Variants in PDRG1 observed in about 807,000 individuals in gnomAD.
The protein encoded by PDRG1 is p53 and DNA damage-regulated protein 1.
PDRG1 carries 14 observed loss-of-function variants against 18.4 expected under a neutral mutation model. The ratio of observed to expected loss-of-function variants is 0.76; its 90% confidence interval spans 0.50 to 1.19. PDRG1 has a LOEUF of 1.19. Ranked by LOEUF, PDRG1 falls within the 50% of genes most tolerant of loss-of-function variation. The pLI, the probability that PDRG1 is intolerant of heterozygous loss-of-function variation, is 0.00. For missense variants in PDRG1, 177 were observed against 160.1 expected (o/e 1.11, Z -0.57); for synonymous variants, 65 against 60.9 (o/e 1.07, Z -0.31).
At chr20:31,948,718 G>A (rs550885079) in intron 3 of PDRG1, 90 bp downstream of exon 3, 385 of 1,220,592 alleles carry the variant, frequency 3.2e-4, no homozygotes, top group Admixed American at 1.3e-3. Context: ...CTCTCCTTAC[G>A]CTGCCTGAAG....
rs538388186 is a variant in PDRG1, at chr20:31,951,929, C to G, written c.33G>C (p.Arg11=). 4 of 1,592,780 alleles carry G rather than the reference C, an allele frequency of 2.5e-6. No homozygotes were observed. The African/African-American group carries it at 4.1e-5, about 16-fold the overall frequency. Residue 11 remains arginine, a synonymous_variant, in exon 1 of 5, where the codon CGG becomes CGC. Transcript: ENST00000202017. MLSPEAERVL[R]YLVEVEELAE... is the part of the protein sequence containing the mutation. The stretch of plus-strand genomic sequence containing the variant: ...CGAGCTCCTCCACTTCTACAAGGTA[C>G]CGCAGCACTCGCTCTGCCTCGGGTG...
chr20:31,944,425 G>GTA lies in PDRG1; in HGVS notation c.*1380_*1381dup, dbSNP rs1304684952. On this transcript the variant is annotated 3_prime_UTR_variant, in exon 5 of 5. Transcript: ENST00000202017. ...TTTAAAATCCAAAGTTTACAAAAGGGTATAGGGTGACATCTCCTTCCCTCC... is the reference window on the plus strand; with the variant it reads ...TTTAAAATCCAAAGTTTACAAAAGGGTATATAGGGTGACATCTCCTTCCCTCC... 1 of 153,442 alleles carries GTA rather than the reference G, an allele frequency of 6.5e-6. No individual in the cohort carries two copies. The highest frequency in any genetic ancestry group is 1.5e-5 in the Non-Finnish European group (1 of 68,854). 9.5% of individuals were successfully genotyped at this position (153,442 alleles called of 1,614,324 possible).
chr20:31,946,578 T>C lies in PDRG1; in HGVS notation c.239-2A>G, dbSNP rs1315273751. 6.2e-7 allele frequency: 1 copy of C among 1,609,444 alleles called. No homozygotes were observed. Among genetic ancestry groups the C allele is most frequent in the Non-Finnish European group, 8.5e-7 (1 of 1,176,054 alleles). ...TTTCTTTATCCAGATGATCTTGATC[T>C]GAAAAAATGAGGGGGGCAAGCAGAG... On this transcript the variant is annotated splice_acceptor_variant, in intron 3 of 4. Coordinates refer to ENST00000202017, the MANE Select transcript of PDRG1 (RefSeq NM_030815.3). LOFTEE classifies it high-confidence loss of function.
chr20:31,948,500 T>C (rs2064332435), intron 3 of PDRG1, among the ~76,000 whole-genome samples: 1 of 152,272 alleles, frequency 6.6e-6, no homozygotes, highest in Non-Finnish European at 1.5e-5. Flanking sequence ...CATATTTCCT[T>C]AAGCCTCAAT....
chr20:31,951,993 G>A lies in PDRG1; in HGVS notation c.-32C>T, dbSNP rs753263015. The A allele has an allele frequency of 7.9e-6, 12 of 1,515,002 alleles. No individual in the cohort carries two copies. The highest frequency in any genetic ancestry group is 1.4e-5 in the African/African-American group (1 of 69,950). The allele number at this position is 1,515,002 out of a possible 1,614,324, so 93.8% of individuals were successfully genotyped here. ...CACCAACTCCGCTTGCGGCTCTCGC[G>A]CGACCCCGGGATCTCCGCTTCGACT... On this transcript the variant is annotated 5_prime_UTR_variant, in exon 1 of 5. Coordinates refer to ENST00000202017, the MANE Select transcript of PDRG1 (RefSeq NM_030815.3).
intron 1 of PDRG1, among the ~76,000 whole-genome samples, chr20:31,951,250 C>T (rs923383918): frequency 6.6e-6 from 1 of 152,108 alleles, no homozygotes; most frequent in African/African-American, 2.4e-5. Context: ...CATTTCTGAC[C>T]CCTTCACTTC....
intron 3 of PDRG1, among the ~76,000 whole-genome samples, chr20:31,947,419 G>A (rs2064325926): frequency 2.6e-5 from 4 of 152,328 alleles, no homozygotes; most frequent in South Asian, 4.1e-4. Flanking sequence ...GTGACAAGAC[G>A]ACATTTGGGG....
At chr20:31,948,625 C>T (rs2064333182) in intron 3 of PDRG1, among the ~76,000 whole-genome samples, 183 bp downstream of exon 3, 1 of 145,852 alleles carries the variant, frequency 6.9e-6, no homozygotes, top group South Asian at 2.2e-4. Flanking sequence ...AGATGCATCC[C>T]CCTCTTAGAG....
intron 3 of PDRG1, among the ~76,000 whole-genome samples, chr20:31,946,816 G>A (rs1170273040): frequency 6.6e-6 from 1 of 152,218 alleles, no homozygotes; most frequent in Non-Finnish European, 1.5e-5. Flanking sequence ...TCTGCATTAT[G>A]CAAAGTACCT....
chr20:31,947,571 G>A (rs946685363), intron 3 of PDRG1, among the ~76,000 whole-genome samples: 8 of 152,192 alleles, frequency 5.3e-5, no homozygotes, highest in Non-Finnish European at 1.0e-4. Context: ...ACTTCTCCAG[G>A]CTGGATATAG....
intron 3 of PDRG1, among the ~76,000 whole-genome samples, chr20:31,948,051 T>G (rs1185383682): frequency 1.3e-5 from 2 of 152,334 alleles, no homozygotes; most frequent in African/African-American, 2.4e-5. Flanking sequence ...CAGCCTGACT[T>G]GCTTTAAGAT....
rs760255766 is a variant in PDRG1 at position 31,945,850 on chromosome 20, T to C, written c.359A>G (p.Asn120Ser). 4 of 1,613,994 alleles carry C rather than the reference T, an allele frequency of 2.5e-6. No individual in the cohort carries two copies. The highest frequency in any genetic ancestry group is 2.5e-6 in the Non-Finnish European group (3 of 1,179,994). ...ELKGFNLNPL[N>S]QDELKALKVI... is the part of the protein sequence containing the mutation. ...CTTGAGAGCTTTAAGCTCATCCTGG[T>C]TGAGGGGGTTCAAGTTAAAACCCTT... The change falls in exon 5 of 5, where the codon AAC becomes AGC. Residue 120 changes from asparagine (N) to serine (S), a missense_variant. Asn to Ser is a conservative substitution (Grantham distance 46, BLOSUM62 1). Transcript: ENST00000202017.
In PDRG1 at chr20:31,949,272, G is replaced by C. The variant is rs75450738; in HGVS notation, c.164-390C>G. ...AGCAAAGATCAGTAGTGTGCTTGGG[G>C]TGTTCAGAACAGCAAGGGGCCGGGC... On this transcript the variant is annotated intron_variant, in intron 2 of 4. Coordinates refer to ENST00000202017, the MANE Select transcript of PDRG1 (RefSeq NM_030815.3). Among the ~76,000 whole-genome samples, 783 of 152,318 alleles carry C rather than the reference G, an allele frequency of 5.1e-3. 2 individuals are homozygous for C. Among genetic ancestry groups the C allele is most frequent in the African/African-American group, 0.017 (708 of 41,568 alleles).
chr20:31,948,700 A>G, intron 3 of PDRG1, 108 bp downstream of exon 3: 1 of 1,009,292 alleles, frequency 9.9e-7, no homozygotes, highest in Admixed American at 2.4e-5. Flanking sequence ...ACCCTGTGAC[A>G]GAACTGCCTC....
In PDRG1 at chr20:31,945,372, A is replaced by G. The variant is rs1041412556; in HGVS notation, c.*435T>C. 4.5e-5 allele frequency: 7 copies of G among 155,702 alleles called. No individual in the cohort carries two copies. Among genetic ancestry groups the G allele is most frequent in the Non-Finnish European group, 8.6e-5 (6 of 70,138 alleles). 9.6% of individuals were successfully genotyped at this position (155,702 alleles called of 1,614,324 possible). On this transcript the variant is annotated 3_prime_UTR_variant, in exon 5 of 5. Transcript: ENST00000202017. ...CCCATGAGCCTCCTGCTTTATTCCA[A>G]TCGCATGGCACCAGCCTGAAAACCT... is the stretch of plus-strand genomic sequence containing the variant.
chr20:31,946,490 C>T lies in PDRG1; in HGVS notation c.319+6G>A. On this transcript the variant is annotated splice_donor_region_variant and intron_variant, in intron 4 of 4. Coordinates refer to ENST00000202017, the MANE Select transcript of PDRG1 (RefSeq NM_030815.3). ...TTCTTATCTCCAGTCCCTGCTAAGC[C>T]AATACCTTGGGCCTCAAAAAGGCGG... The T allele has an allele frequency of 6.3e-7, 1 of 1,597,954 alleles. No homozygotes were observed. Among genetic ancestry groups the T allele is most frequent in the East Asian group, 2.2e-5 (1 of 44,798 alleles).
chr20:31,948,240 C>G (rs2064330748), intron 3 of PDRG1, among the ~76,000 whole-genome samples: 1 of 152,194 alleles, frequency 6.6e-6, no homozygotes, highest in Non-Finnish European at 1.5e-5. Context: ...TATGGGTGAC[C>G]ATGTGACTTA....
rs1297040841 is a variant in PDRG1 at position 31,949,020 on chromosome 20, AG to A, written c.164-139del. 322 of 704,878 alleles carry A rather than the reference AG, an allele frequency of 4.6e-4. No individual in the cohort carries two copies. In the East Asian group the frequency reaches 8.5e-3, roughly 19 times the overall value. The allele number at this position is 704,878 out of a possible 1,614,324, so 43.7% of individuals were successfully genotyped here. ...CTTGGAGCTTATGTTACAGTGGAGG[AG>A]AGAGAATAAAGATATGATTTGTCAG... On this transcript the variant is annotated intron_variant, in intron 2 of 4. Coordinates refer to ENST00000202017, the MANE Select transcript of PDRG1 (RefSeq NM_030815.3).
chr20:31,949,635 T>C (rs372740270), intron 2 of PDRG1, among the ~76,000 whole-genome samples: 6 of 150,620 alleles, frequency 4.0e-5, no homozygotes, highest in East Asian at 2.0e-4. Flanking sequence ...TGGAGTCATG[T>C]TGGGGGTGGG....
Sources: allele counts gnomAD v4.1 joint callset (sites outside exome capture counted in the v4.1 genomes callset), GRCh38; gene constraint gnomAD v4.1.1; transcripts MANE v1.5; gene names NCBI Gene and HGNC (gene_info 2026-07-23, HGNC 2026-07-21).